FBLN7: variants seen among roughly 807,000 people sequenced by gnomAD.
FBLN7 encodes the protein fibulin-7.
Under a neutral mutation model 44.0 loss-of-function variants are expected in FBLN7, and 31 were observed. The ratio of observed to expected loss-of-function variants is 0.70; its 90% CI spans 0.53 to 0.95. The LOEUF is 0.95. FBLN7 is among the 40% of genes least tolerant of loss of function. The pLI is 0.00. For missense variants in FBLN7, 573 were observed against 618.5 expected (o/e 0.93, Z 0.78); for synonymous variants, 262 against 253.4 (o/e 1.03, Z -0.32).
chr2:112,171,489 T>TGA (rs1682456435), intron 3 of FBLN7, among the ~76,000 whole-genome samples: 1 of 151,978 alleles, frequency 6.6e-6, no homozygotes, highest in Non-Finnish European at 1.5e-5. Context: ...CATGAGGCCT[T>TGA]TCCCCCGAGA....
chr2:112,186,007 AG>A (rs1683251229), intron 7 of FBLN7, among the ~76,000 whole-genome samples: 1 of 152,144 alleles, frequency 6.6e-6, no homozygotes, highest in African/African-American at 2.4e-5. Context: ...ACAGCCATGG[AG>A]GGTAACTTAA....
downstream of FBLN7, chr2:112,190,150 A>G (rs926660395): frequency 7.2e-5 from 11 of 152,196 alleles, no homozygotes; most frequent in African/African-American, 2.2e-4. Flanking sequence ...TCTATTTCTT[A>G]TAAATCTAGA....
At chr2:112,166,937 C>T (rs1682191390) in intron 3 of FBLN7, among the ~76,000 whole-genome samples, 1 of 152,168 alleles carries the variant, frequency 6.6e-6, no homozygotes, top group Admixed American at 6.5e-5. Context: ...TCCCGGCCAC[C>T]ACAAACAATG....
intron 7 of FBLN7, among the ~76,000 whole-genome samples, chr2:112,186,337 T>C (rs1467081188): frequency 1.3e-5 from 2 of 152,194 alleles, no homozygotes; most frequent in Non-Finnish European, 2.9e-5. Context: ...CAGGGCTTCC[T>C]GCGTTGAGAA....
intron 3 of FBLN7, among the ~76,000 whole-genome samples, chr2:112,173,244 A>G (rs1053778206): frequency 2.6e-5 from 4 of 152,218 alleles, no homozygotes; most frequent in Non-Finnish European, 5.9e-5. Context: ...CTTAATTATG[A>G]GTAATGAAAA....
chr2:112,170,433 G>C (rs757630027), intron 3 of FBLN7, among the ~76,000 whole-genome samples: 1 of 142,060 alleles, frequency 7.0e-6, no homozygotes, highest in Non-Finnish European at 1.5e-5. Context: ...AGGCTGAGCT[G>C]GGAGAATCAC....
chr2:112,227,510 G>A, the FBLN7 span, among the ~76,000 whole-genome samples: 1 of 152,164 alleles, frequency 6.6e-6, no homozygotes, highest in African/African-American at 2.4e-5. Flanking sequence ...TGGGGGAGAA[G>A]AGCAAGACTT....
In FBLN7 at chr2:112,138,537, G is replaced by A; in HGVS notation, c.-119G>A. 1.7e-6 allele frequency: 2 copies of A among 1,184,362 alleles called. No homozygotes were observed. Among genetic ancestry groups the A allele is most frequent in the Non-Finnish European group, 2.3e-6 (2 of 881,886 alleles). 73.4% of individuals were successfully genotyped at this position (1,184,362 alleles called of 1,614,324 possible). On this transcript the variant is annotated 5_prime_UTR_variant, in exon 1 of 8. Transcript: ENST00000331203. ...TCCCGCCTCCCCCCCTGCCCCAGCC[G>A]CCCCCCGGCCGCGCGGCGCCCCGCA...
the FBLN7 span, chr2:112,233,441 C>T: frequency 9.6e-7 from 1 of 1,042,282 alleles, no homozygotes. Flanking sequence ...TTAATTCCTA[C>T]TAAACTTTAA....
chr2:112,204,120 G>T, the FBLN7 span, among the ~76,000 whole-genome samples: 1 of 151,924 alleles, frequency 6.6e-6, no homozygotes, highest in Non-Finnish European at 1.5e-5. Context: ...TAAAGAGATA[G>T]AAACTTTTTA....
At chr2:112,242,430 C>A in the FBLN7 span, among the ~76,000 whole-genome samples, 1 of 152,202 alleles carries the variant, frequency 6.6e-6, no homozygotes, top group Admixed American at 6.5e-5. Context: ...TGAGTAGCTG[C>A]AAGAGACCTT....
the FBLN7 span, among the ~76,000 whole-genome samples, chr2:112,201,306 A>G: frequency 1.3e-5 from 2 of 152,202 alleles, no homozygotes; most frequent in Non-Finnish European, 2.9e-5. Context: ...TGTTTCACGG[A>G]CCATCGTGCA....
chr2:112,179,429 C>T (rs1212608155), intron 4 of FBLN7, among the ~76,000 whole-genome samples: 1 of 152,138 alleles, frequency 6.6e-6, no homozygotes, highest in Admixed American at 6.5e-5. Flanking sequence ...AAACAACTTA[C>T]AGATTCAATG....
chr2:112,168,583 A>T (rs1341547263), intron 3 of FBLN7, among the ~76,000 whole-genome samples: 3 of 152,244 alleles, frequency 2.0e-5, no homozygotes, highest in African/African-American at 7.2e-5. Context: ...AAGCGGTGTC[A>T]GCCAAACTTG....
At chr2:112,176,982 G>A (rs1390948451) in intron 4 of FBLN7, 1 of 151,434 alleles carries the variant, frequency 6.6e-6, no homozygotes, top group African/African-American at 2.4e-5. Context: ...TGCCCAGGCT[G>A]GAGTGTGCAG....
the FBLN7 span, among the ~76,000 whole-genome samples, chr2:112,235,673 A>G: frequency 6.6e-6 from 1 of 152,330 alleles, no homozygotes; most frequent in East Asian, 1.9e-4. Flanking sequence ...CAGAAGAGGT[A>G]CTTATTATTC....
the FBLN7 span, chr2:112,212,754 T>C: frequency 6.6e-6 from 1 of 152,042 alleles, no homozygotes; most frequent in Non-Finnish European, 1.5e-5. Flanking sequence ...TAATCCCTAT[T>C]ATAAGACTGT....
intron 1 of FBLN7, among the ~76,000 whole-genome samples, chr2:112,144,773 C>T (rs1680827673): frequency 2.0e-5 from 3 of 152,298 alleles, no homozygotes; most frequent in African/African-American, 7.2e-5. Context: ...GATCCACCCG[C>T]CTCGGCCTCC....
At chr2:112,139,369 TCAGTGTCCCTCCCGCCTCTCTCCAGGC>T (rs1680521285) in intron 1 of FBLN7, among the ~76,000 whole-genome samples, 3 of 2,190 alleles carry the variant, frequency 1.4e-3, no homozygotes, top group Admixed American at 3.4e-3. Flanking sequence ...TCTCTCCAGG[TCAGTGTCCCTCCCGCCTCTCTCCAGGC>T]CAGTGTCCCT....
Sources: gnomAD v4.1 joint callset for allele counts (sites outside exome capture counted in the v4.1 genomes callset) on GRCh38, gnomAD v4.1.1 for gene constraint, MANE v1.5 for transcripts, NCBI Gene and HGNC (gene_info 2026-07-23, HGNC 2026-07-21) for gene names.